The following MLF1 variants were observed in gnomAD, a reference collection of about 807,000 sequenced individuals.
The protein encoded by MLF1 is myeloid leukemia factor 1.
Under a neutral mutation model 38.3 loss-of-function variants are expected in MLF1, and 37 were observed. That is an observed-to-expected ratio of 0.96 (90% CI 0.74 to 1.27). The LOEUF is 1.27. Ranked by LOEUF, MLF1 falls within the 50% of genes most tolerant of loss-of-function variation. The probability of loss-of-function intolerance (pLI) is 0.00; values close to 1 mark genes in which losing one functional copy is unlikely to be tolerated. For synonymous variants in MLF1, 95 were observed against 106.5 expected (o/e 0.89, Z 0.66); for missense variants, 331 against 349.2 (o/e 0.95, Z 0.42).
chr3:158,585,501 G>C (rs754670122), intron 1 of MLF1, among the ~76,000 whole-genome samples: 2 of 152,114 alleles, frequency 1.3e-5, no homozygotes, highest in Non-Finnish European at 1.5e-5. Flanking sequence ...TTCCTCTATA[G>C]CAACACAAAA....
rs138730214 is a variant in MLF1 at position 158,592,570 on chromosome 3, G to A, written c.184G>A (p.Asp62Asn). 1 of 1,604,364 alleles carries A rather than the reference G, an allele frequency of 6.2e-7. No individual in the cohort carries two copies. Among genetic ancestry groups the A allele is most frequent in the Non-Finnish European group, 8.5e-7 (1 of 1,177,492 alleles). The change falls in exon 2 of 8, where the codon GAT (aspartate) becomes AAT (asparagine). Residue 62 changes from aspartate to asparagine, a missense_variant. Transcript: ENST00000466246. ...HNRRGHNDGE[D>N]SLTATSCSLV... is the part of the protein sequence containing the mutation. ...TCGTAGAGGACATAATGATGGTGAA[G>A]ATTCTTTGACTGTAAGTTCTTTTTT...
intron 6 of MLF1, among the ~76,000 whole-genome samples, chr3:158,602,026 C>T (rs1719858296): frequency 6.6e-6 from 1 of 151,876 alleles, no homozygotes; most frequent in African/African-American, 2.4e-5. Flanking sequence ...CCATGTTAGC[C>T]AGGATGGTCT....
At chr3:158,590,853 T>C in intron 1 of MLF1, 1 of 449,086 alleles carries the variant, frequency 2.2e-6, no homozygotes, top group Admixed American at 2.5e-5. Flanking sequence ...ACAAAATTGG[T>C]AAATTTCGTT....
intron 1 of MLF1, chr3:158,591,155 ATTTC>A: frequency 2.1e-6 from 1 of 475,828 alleles, no homozygotes; most frequent in Non-Finnish European, 4.1e-6. Flanking sequence ...TGCAAGGAAA[ATTTC>A]TTTTTTTTTT....
intron 1 of MLF1, among the ~76,000 whole-genome samples, chr3:158,576,409 T>C (rs1047175114): frequency 6.6e-6 from 1 of 152,202 alleles, no homozygotes; most frequent in African/African-American, 2.4e-5. Context: ...TAAGTACATA[T>C]GTATAGACAA....
At chr3:158,602,387 A>C (rs535127143) in intron 6 of MLF1, among the ~76,000 whole-genome samples, 42 of 152,316 alleles carry the variant, frequency 2.8e-4, no homozygotes, top group African/African-American at 9.6e-4. Flanking sequence ...GTCTTAGGAA[A>C]TTGACAACAG....
intron 1 of MLF1, among the ~76,000 whole-genome samples, chr3:158,580,308 A>G (rs758777717): frequency 2.6e-5 from 4 of 151,140 alleles, no homozygotes; most frequent in Admixed American, 6.6e-5. Context: ...AAAAAGAAAG[A>G]TTTTGTGAGG....
intron 1 of MLF1, among the ~76,000 whole-genome samples, chr3:158,576,690 T>C (rs1715484174): frequency 7.3e-6 from 1 of 136,722 alleles, no homozygotes; most frequent in African/African-American, 2.8e-5. Context: ...TTTTTTTTTT[T>C]GAGACGGAGT....
At chr3:158,596,712 A>T (rs1028198944) in intron 3 of MLF1, 150 bp from the exon 4 acceptor site, 4 of 513,260 alleles carry the variant, frequency 7.8e-6, no homozygotes, top group African/African-American at 1.9e-5. Context: ...CACTGTCATT[A>T]TATCCTCTAA....
At position 158,606,192 on chromosome 3, in the gene MLF1, C is replaced by T. The variant is rs1300679793; in HGVS notation, c.*990C>T. ...CTTTTTAATTCTAGAATTTAAGCAT[C>T]AGTCTGTTCTTATAAAAGTTAGGTT... On this transcript the variant is annotated 3_prime_UTR_variant, in exon 8 of 8. Coordinates refer to ENST00000466246, the MANE Select transcript of MLF1 (RefSeq NM_001369783.1). 1 of 177,202 alleles carries T rather than the reference C, an allele frequency of 5.6e-6. No individual in the cohort carries two copies. The highest frequency in any genetic ancestry group is 9.5e-5 in the East Asian group (1 of 10,540). The allele number at this position is 177,202 out of a possible 1,614,324, so 11.0% of individuals were successfully genotyped here. A position where few individuals can be genotyped will look rare whatever the true frequency, so the allele number is the denominator to read the frequency against.
At chr3:158,584,671 G>T (rs6771125) in intron 1 of MLF1, among the ~76,000 whole-genome samples, 1,856 of 84,430 alleles carry the variant, frequency 0.022, 20 homozygotes, top group African/African-American at 0.024. Context: ...GTGTGTGTGT[G>T]TGTGTGTGTG....
rs1719534092 is a variant in MLF1, at chr3:158,600,184, A to G, written c.613+11A>G. 7.2e-7 allele frequency: 1 copy of G among 1,386,752 alleles called. No homozygotes were observed. The highest frequency in any genetic ancestry group is 9.5e-7 in the Non-Finnish European group (1 of 1,057,848). 85.9% of individuals were successfully genotyped at this position (1,386,752 alleles called of 1,614,324 possible). ...TCAATATGAATGAAAGTAAGTTATC[A>G]CAAAAAAATAATATTCTTTCTTATA... On this transcript the variant is annotated intron_variant, in intron 6 of 7. Coordinates refer to ENST00000466246, the MANE Select transcript of MLF1 (RefSeq NM_001369783.1).
At chr3:158,581,154 C>T (rs144689759) in intron 1 of MLF1, among the ~76,000 whole-genome samples, 156 of 152,150 alleles carry the variant, frequency 1.0e-3, no homozygotes, top group Non-Finnish European at 1.8e-3. Flanking sequence ...GGAACCAGTG[C>T]GAGGGTAGTA....
intron 3 of MLF1, among the ~76,000 whole-genome samples, chr3:158,594,016 G>A (rs1012693968): frequency 1.3e-5 from 2 of 151,926 alleles, no homozygotes; most frequent in South Asian, 4.1e-4. Context: ...TGGAACATTT[G>A]TATCTACAGT....
intron 1 of MLF1, among the ~76,000 whole-genome samples, chr3:158,572,350 G>T (rs1392302016): frequency 7.7e-5 from 11 of 143,160 alleles, no homozygotes; most frequent in Admixed American, 7.5e-4. Context: ...GGTTGAGGGC[G>T]TGAGTTGGTG....
chr3:158,583,893 C>A (rs10513527), intron 1 of MLF1, among the ~76,000 whole-genome samples: 24,737 of 152,124 alleles, frequency 0.16, 2,149 homozygotes, highest in South Asian at 0.21. Flanking sequence ...AGGAGACTTT[C>A]ATTTCTACTG....
Position 158,598,663 on chromosome 3 carries a change from C to T in MLF1, c.453+455C>T, listed in dbSNP as rs554319399. Among the ~76,000 whole-genome samples, 54 of 152,230 alleles carry T rather than the reference C, an allele frequency of 3.5e-4. No individual in the cohort carries two copies. The South Asian group carries it at 0.011, about 30-fold the overall frequency. ...TTCCTGCCACCCAGTTTAGTCATATCATAACATTTTTCTCTATTTGCTTCA... is the reference window on the plus strand; with the variant it reads ...TTCCTGCCACCCAGTTTAGTCATATTATAACATTTTTCTCTATTTGCTTCA... On this transcript the variant is annotated intron_variant, in intron 5 of 7. Transcript: ENST00000466246.
At chr3:158,583,759 T>C (rs1716782410) in intron 1 of MLF1, among the ~76,000 whole-genome samples, 1 of 152,124 alleles carries the variant, frequency 6.6e-6, no homozygotes, top group African/African-American at 2.4e-5. Flanking sequence ...ATTTCAAACA[T>C]TTGATAAAAA....
intron 1 of MLF1, 64 bp downstream of exon 1, chr3:158,571,411 T>A: frequency 6.2e-7 from 1 of 1,605,960 alleles, no homozygotes; most frequent in Non-Finnish European, 8.5e-7. Context: ...GGAGCTATTT[T>A]AAGGGAAAAG....
Sources: gnomAD v4.1 joint callset for allele counts (sites outside exome capture counted in the v4.1 genomes callset) on GRCh38, gnomAD v4.1.1 for gene constraint, MANE v1.5 for transcripts, NCBI Gene and HGNC (gene_info 2026-07-23, HGNC 2026-07-21) for gene names.